Variants in AFDN observed in about 807,000 individuals in gnomAD.
AFDN encodes afadin.
A neutral mutation model predicts 216.6 loss-of-function variants in AFDN; 68 were observed. The observed-to-expected ratio is 0.31, with a 90% CI of 0.26 to 0.38. The LOEUF (loss-of-function observed/expected upper bound fraction) is 0.38, where lower values mean the gene tolerates loss of function less well. Ranked by LOEUF, AFDN falls within the 10% of genes least tolerant of loss-of-function variation. AFDN has a pLI of 1.00. For synonymous variants in AFDN, 868 were observed against 853.7 expected, an observed-to-expected ratio of 1.02 and a Z score of -0.29; for missense variants, 2,136 against 2,342.0, an observed-to-expected ratio of 0.91 and a Z score of 1.82.
chr6:167,969,307 A>T, intron 33 of AFDN, 109 bp downstream of exon 33: 1 of 826,406 alleles, frequency 1.2e-6, no homozygotes, highest in South Asian at 1.5e-5. Flanking sequence ...TCACTCTGTG[A>T]CCTCACCTGG....
At chr6:167,827,524 C>G (rs1779276153) in intron 1 of AFDN, 1 of 145,452 alleles carries the variant, frequency 6.9e-6, no homozygotes, top group Admixed American at 6.8e-5. Context: ...GGTGGCTCAC[C>G]TGGGCCGCCG....
At chr6:167,948,854 A>G (rs1795644253) in intron 29 of AFDN, among the ~76,000 whole-genome samples, 1 of 152,200 alleles carries the variant, frequency 6.6e-6, no homozygotes, top group African/African-American at 2.4e-5. Flanking sequence ...CAGACACAGC[A>G]TGGTCAGTGC....
At chr6:167,848,207 A>G (rs576788174) in intron 1 of AFDN, among the ~76,000 whole-genome samples, 2 of 152,326 alleles carry the variant, frequency 1.3e-5, no homozygotes, top group African/African-American at 4.8e-5. Context: ...TTCTTTGACA[A>G]CATGTTCCAT....
Position 167,896,809 on chromosome 6 carries a change from T to C in AFDN, c.1223-69T>C. ...CTGTAGTGCCTGAGATAACCTTTTG[T>C]TTGTTGGAAATAACATGACAGTAAT... On this transcript the variant is annotated intron_variant, in intron 9 of 33. Coordinates refer to ENST00000683244, the MANE Select transcript of AFDN (RefSeq NM_001386888.1). The C allele has an allele frequency of 5.4e-6, 5 of 929,474 alleles. No individual in the cohort carries two copies. In the Admixed American group the frequency reaches 9.8e-5, roughly 18 times the overall value. 57.6% of individuals were successfully genotyped at this position (929,474 alleles called of 1,614,324 possible).
At chr6:167,873,526 C>T (rs1399206698) in intron 4 of AFDN, among the ~76,000 whole-genome samples, 3 of 152,114 alleles carry the variant, frequency 2.0e-5, no homozygotes, top group African/African-American at 7.2e-5. Flanking sequence ...TGTTCTACGA[C>T]TTAGGGAACT....
intron 12 of AFDN, among the ~76,000 whole-genome samples, chr6:167,906,057 C>G (rs372551635): frequency 2.6e-5 from 4 of 152,132 alleles, no homozygotes; most frequent in Admixed American, 1.3e-4. Context: ...GAGCTGAGAT[C>G]GCGCCACTGC....
intron 22 of AFDN, among the ~76,000 whole-genome samples, chr6:167,924,008 G>GA (rs1792169533): frequency 6.6e-6 from 1 of 151,802 alleles, no homozygotes; most frequent in African/African-American, 2.4e-5. Flanking sequence ...CAATTTTGTG[G>GA]AAAAACAAGT....
chr6:167,886,661 T>C (rs1583283648), intron 6 of AFDN, among the ~76,000 whole-genome samples: 1 of 152,070 alleles, frequency 6.6e-6, no homozygotes, highest in South Asian at 2.1e-4. Flanking sequence ...GATGGGTTTT[T>C]TAAGTGGTCC....
At chr6:167,844,140 G>A (rs1781367619) in intron 1 of AFDN, among the ~76,000 whole-genome samples, 1 of 151,850 alleles carries the variant, frequency 6.6e-6, no homozygotes, top group African/African-American at 2.4e-5. Context: ...TTTACAGTGT[G>A]TCTTTCCCAG....
chr6:167,836,957 C>T (rs772524952), intron 1 of AFDN, among the ~76,000 whole-genome samples: 4 of 152,016 alleles, frequency 2.6e-5, no homozygotes, highest in South Asian at 2.1e-4. Flanking sequence ...TTTATGACCT[C>T]GAATATTTAA....
intron 2 of AFDN, among the ~76,000 whole-genome samples, chr6:167,869,756 C>G (rs963523): frequency 0.14 from 21,197 of 152,116 alleles, 1,819 homozygotes; most frequent in Admixed American, 0.19. Context: ...GATAAGTGTG[C>G]CTGGGAGGCT....
intron 1 of AFDN, among the ~76,000 whole-genome samples, chr6:167,849,095 T>G (rs990210661): frequency 6.6e-6 from 1 of 152,178 alleles, no homozygotes; most frequent in African/African-American, 2.4e-5. Flanking sequence ...GCCCCGTTTC[T>G]TCATCTGTAA....
chr6:167,952,276 C>T (rs765132924), intron 30 of AFDN, 89 bp downstream of exon 30: 117 of 1,598,950 alleles, frequency 7.3e-5, no homozygotes, highest in African/African-American at 1.2e-4. Context: ...GGCCCCTGAT[C>T]GTGATAAGGA....
At chr6:167,836,342 C>T (rs569758529) in intron 1 of AFDN, among the ~76,000 whole-genome samples, 9 of 152,252 alleles carry the variant, frequency 5.9e-5, no homozygotes, top group East Asian at 1.9e-4. Flanking sequence ...TCTCCGTCTC[C>T]CAAATATAAA....
chr6:167,836,709 T>A (rs910872326), intron 1 of AFDN, among the ~76,000 whole-genome samples: 1 of 152,172 alleles, frequency 6.6e-6, no homozygotes, highest in Non-Finnish European at 1.5e-5. Flanking sequence ...AGTCACCAAT[T>A]TAATTGTTAT....
chr6:167,896,824 A>G (rs1159413713), intron 9 of AFDN, 54 bp from the exon 10 acceptor site: 16 of 1,045,212 alleles, frequency 1.5e-5, no homozygotes, highest in African/African-American at 1.4e-4. Flanking sequence ...TGGAAATAAC[A>G]TGACAGTAAT....
intron 19 of AFDN, among the ~76,000 whole-genome samples, chr6:167,916,338 C>G (rs1004084805): frequency 6.6e-6 from 1 of 152,196 alleles, no homozygotes; most frequent in African/African-American, 2.4e-5. Context: ...AGATAACACT[C>G]TTGAGGACTG....
At chr6:167,948,167 A>C in intron 28 of AFDN, 126 bp from the exon 29 acceptor site, 3 of 880,360 alleles carry the variant, frequency 3.4e-6, no homozygotes, top group East Asian at 5.3e-5. Context: ...CTCAGTATGG[A>C]TCAAACACTT....
In AFDN at chr6:167,969,954, CTT is replaced by C. The variant is rs1268500207; in HGVS notation, c.*21_*22del. On this transcript the variant is annotated 3_prime_UTR_variant, in exon 34 of 34. Transcript: ENST00000683244. The stretch of plus-strand genomic sequence containing the variant: ...AAAGTGAAAGAAAATGAGGAGAACA[CTT>C]TGTATTTACCCCAAAATCTTTTCAG... 8.2e-6 allele frequency: 13 copies of C among 1,589,690 alleles called. No homozygotes were observed. The highest frequency in any genetic ancestry group is 1.1e-5 in the Non-Finnish European group (13 of 1,171,920).
Sources: gnomAD v4.1 joint callset for allele counts (sites outside exome capture counted in the v4.1 genomes callset) on GRCh38, gnomAD v4.1.1 for gene constraint, MANE v1.5 for transcripts, NCBI Gene and HGNC (gene_info 2026-07-23, HGNC 2026-07-21) for gene names.